Variants in SOX5 observed in about 807,000 individuals in gnomAD.
The protein encoded by SOX5 is SRY-box transcription factor 5.
A neutral mutation model predicts 92.0 loss-of-function variants in SOX5; 9 were observed. The observed-to-expected ratio is 0.10, with a 90% CI of 0.06 to 0.17. SOX5 has a LOEUF of 0.17. Ranked by LOEUF, SOX5 falls within the 10% of genes least tolerant of loss-of-function variation. SOX5 has a pLI of 1.00. For missense variants in SOX5, 642 were observed against 944.5 expected, an observed-to-expected ratio of 0.68 and a Z score of 4.20; for synonymous variants, 344 against 336.3, an observed-to-expected ratio of 1.02 and a Z score of -0.25.
At position 23,883,009 on chromosome 12, in the gene SOX5, G is replaced by A. The variant is rs182710394; in HGVS notation, c.270+12784C>T. Among the ~76,000 whole-genome samples the A allele has an allele frequency of 3.1e-3, 478 of 152,052 alleles. 5 individuals carry two copies. The highest frequency in any genetic ancestry group is 0.011 in the African/African-American group (464 of 41,486). On this transcript the variant is annotated intron_variant, in intron 2 of 14. Transcript: ENST00000451604. The stretch of plus-strand genomic sequence containing the variant: ...ATCCTGGCTAACACAGTGAAACCCC[G>A]TCTCTACTAAAAATACAAAAAATAA...
At position 24,352,652 on chromosome 12, in the gene SOX5, A is replaced by G. The variant is rs1449425319; in HGVS notation, c.-174+15911T>C. On this transcript the variant is annotated intron_variant, in intron 2 of 4. Coordinates refer to the SOX5 transcript ENST00000446891. The stretch of plus-strand genomic sequence containing the variant: ...CAAATATTAACTTGTCTGGGCCTTG[A>G]TATTATGTTCCTCAGATCTTCATCT... 5.9e-5 allele frequency among the ~76,000 whole-genome samples: 9 copies of G among 152,250 alleles called. No individual in the cohort carries two copies. In the East Asian group the frequency reaches 1.7e-3, roughly 29 times the overall value.
chr12:24,073,137 C>T (rs1190876575), intron 4 of SOX5, among the ~76,000 whole-genome samples: 4 of 151,936 alleles, frequency 2.6e-5, no homozygotes, highest in Non-Finnish European at 5.9e-5. Flanking sequence ...TCCTGTGCAC[C>T]CAAAAGGAAG....
intron 7 of SOX5, among the ~76,000 whole-genome samples, chr12:23,658,831 T>G (rs2082654396): frequency 6.6e-6 from 1 of 152,176 alleles, no homozygotes; most frequent in Non-Finnish European, 1.5e-5. Context: ...AGGCGGAGCT[T>G]GCAGTGAGCC....
At chr12:24,432,330 CCAA>C (rs1938512276) in intron 1 of SOX5, among the ~76,000 whole-genome samples, 2 of 152,072 alleles carry the variant, frequency 1.3e-5, no homozygotes, top group Admixed American at 1.3e-4. Context: ...TGTAAGGAGT[CCAA>C]CAATATCTGT....
intron 1 of SOX5, among the ~76,000 whole-genome samples, chr12:24,474,087 AT>A (rs1945093652): frequency 6.6e-6 from 1 of 152,254 alleles, no homozygotes; most frequent in Non-Finnish European, 1.5e-5. Flanking sequence ...GCTGTAAATG[AT>A]TGTTATCTTA....
chr12:23,922,968 C>T (rs900870721), intron 1 of SOX5, among the ~76,000 whole-genome samples: 7 of 149,092 alleles, frequency 4.7e-5, no homozygotes, highest in East Asian at 2.0e-4. Context: ...GTTTTTGAGA[C>T]GGAGTCTCAC....
At position 24,027,419 on chromosome 12, in the gene SOX5, T is replaced by C. The variant is rs551493118; in HGVS notation, c.-1-131395A>G. Among the ~76,000 whole-genome samples the C allele has an allele frequency of 7.2e-5, 11 of 152,108 alleles. 2 individuals carry two copies. The highest frequency in any genetic ancestry group is 2.0e-4 in the Admixed American group (3 of 15,246). On this transcript the variant is annotated intron_variant, in intron 4 of 4. Coordinates refer to the SOX5 transcript ENST00000446891. ...CTTCCTCAATGTTTTCCAAGTGACA[T>C]TGCCATTCACTGAAACCCCAAAGCT...
intron 4 of SOX5, among the ~76,000 whole-genome samples, chr12:24,023,101 G>C (rs994953532): frequency 3.3e-5 from 5 of 151,998 alleles, no homozygotes; most frequent in African/African-American, 9.6e-5. Context: ...CAATTTAATG[G>C]CTACCAAAAA....
chr12:24,104,571 T>C (rs774710097), intron 4 of SOX5, among the ~76,000 whole-genome samples: 5 of 152,238 alleles, frequency 3.3e-5, no homozygotes, highest in Admixed American at 3.3e-4. Context: ...ATCATTATCA[T>C]TATTTTTATA....
intron 1 of SOX5, among the ~76,000 whole-genome samples, chr12:24,533,578 C>T (rs575148593): frequency 5.8e-4 from 89 of 152,140 alleles, no homozygotes; most frequent in African/African-American, 2.1e-3. Context: ...AGGCATAAAA[C>T]AGCATAAAAC....
At chr12:24,141,641 T>C (rs1026623528) in intron 4 of SOX5, among the ~76,000 whole-genome samples, 6 of 152,200 alleles carry the variant, frequency 3.9e-5, no homozygotes, top group African/African-American at 1.2e-4. Context: ...TACCCTCTCT[T>C]GCACTAGTGG....
intron 1 of SOX5, among the ~76,000 whole-genome samples, chr12:24,464,982 T>A (rs911463733): frequency 6.6e-6 from 1 of 152,194 alleles, no homozygotes; most frequent in Non-Finnish European, 1.5e-5. Context: ...GCAGTAATGA[T>A]AGTGATGCTG....
intron 6 of SOX5, among the ~76,000 whole-genome samples, chr12:23,721,605 A>T (rs2092818993): frequency 6.6e-6 from 1 of 152,192 alleles, no homozygotes; most frequent in African/African-American, 2.4e-5. Context: ...GAATGGCCTG[A>T]GTTCCACACT....
At chr12:23,929,162 C>T (rs1940804188) in intron 1 of SOX5, among the ~76,000 whole-genome samples, 1 of 151,722 alleles carries the variant, frequency 6.6e-6, no homozygotes, top group African/African-American at 2.4e-5. Context: ...AAGAGCAACT[C>T]CTTAAACAAC....
chr12:23,898,847 G>A (rs2097203239), intron 1 of SOX5, among the ~76,000 whole-genome samples: 1 of 152,010 alleles, frequency 6.6e-6, no homozygotes, highest in Admixed American at 6.6e-5. Flanking sequence ...TTATAATTCA[G>A]GTAAAAGATT....
At chr12:23,950,775 A>T, upstream of SOX5, 2 of 1,132,330 alleles carry the variant, frequency 1.8e-6, no homozygotes, top group Non-Finnish European at 2.6e-6. Context: ...CCAATTATCT[A>T]GATAAAAATC....
intron 1 of SOX5, among the ~76,000 whole-genome samples, chr12:23,915,323 CA>C (rs778021710): frequency 2.6e-5 from 4 of 152,084 alleles, no homozygotes; most frequent in Non-Finnish European, 5.9e-5. Flanking sequence ...GGATACGACA[CA>C]ATCTAATTAG....
intron 4 of SOX5, among the ~76,000 whole-genome samples, chr12:24,093,895 C>T (rs1944987285): frequency 6.6e-6 from 1 of 152,126 alleles, no homozygotes; most frequent in Admixed American, 6.6e-5. Flanking sequence ...TTGGTATTTT[C>T]AGGCATTCAT....
intron 4 of SOX5, among the ~76,000 whole-genome samples, chr12:23,966,904 C>T (rs10743486): frequency 0.52 from 79,657 of 151,848 alleles, 21,269 homozygotes; most frequent in East Asian, 0.63. Context: ...CAAATTCCTA[C>T]ATAAAATGAC....
Sources: gnomAD v4.1 joint callset for allele counts (sites outside exome capture counted in the v4.1 genomes callset) on GRCh38, gnomAD v4.1.1 for gene constraint, MANE v1.5 for transcripts, NCBI Gene and HGNC (gene_info 2026-07-23, HGNC 2026-07-21) for gene names.